Variants in CHST4 observed in about 807,000 individuals in gnomAD.
CHST4 encodes GST-3.
For synonymous variants in CHST4, 171 were observed against 195.5 expected (o/e 0.87, Z 1.05); for missense variants, 466 against 506.0 (o/e 0.92, Z 0.76).
In CHST4 at chr16:71,538,132, G is replaced by C; in HGVS notation, c.*294G>C. 1 of 429,204 alleles carries C rather than the reference G, an allele frequency of 2.3e-6. No individual in the cohort carries two copies. 26.6% of individuals were successfully genotyped at this position (429,204 alleles called of 1,614,324 possible). A position where few individuals can be genotyped will look rare whatever the true frequency, so the allele number is the denominator to read the frequency against. Reference sequence around the variant, plus strand: ...CAGACTTCAGAGACTTTGTGGCCTGGAGGCCTATTAAGCACGACACAGTAT... The same window carrying C: ...CAGACTTCAGAGACTTTGTGGCCTGCAGGCCTATTAAGCACGACACAGTAT... On this transcript the variant is annotated 3_prime_UTR_variant, in exon 2 of 2. Transcript: ENST00000539698.
chr16:71,529,113 T>G (rs1014426773), intron 1 of CHST4, among the ~76,000 whole-genome samples: 6 of 151,922 alleles, frequency 3.9e-5, no homozygotes, highest in South Asian at 2.1e-4. Context: ...TTTTGTTTTT[T>G]TTTTTTTGCT....
chr16:71,536,340 T>G (rs2043988252), intron 1 of CHST4, among the ~76,000 whole-genome samples: 2 of 152,312 alleles, frequency 1.3e-5, no homozygotes, highest in South Asian at 4.1e-4. Context: ...CAGGGCACCA[T>G]GATGGAGACA....
chr16:71,537,516 C>T lies in CHST4; in HGVS notation c.839C>T (p.Ala280Val), dbSNP rs755086524. The T allele has an allele frequency of 2.5e-6, 4 of 1,614,190 alleles. No individual in the cohort carries two copies. In the Admixed American group the frequency reaches 6.7e-5, roughly 27 times the overall value. ...CTGCTTGTGCGCTATGAGGACCTGG[C>T]TCGAGCCCCTGTGGCCCAGACTTCC... Reference protein sequence around the residue: ...RYLLVRYEDLARAPVAQTSRM... With the variant: ...RYLLVRYEDLVRAPVAQTSRM... The change falls in exon 2 of 2, where the codon GCT (alanine) becomes GTT (valine). Residue 280 changes from alanine (A) to valine (V), a missense_variant. Transcript: ENST00000539698. The surrounding 1 kb of genome is among the most constrained non-coding windows in gnomAD (Gnocchi z 4.2).
At chr16:71,533,615 T>C (rs2043964943) in intron 1 of CHST4, among the ~76,000 whole-genome samples, 1 of 152,118 alleles carries the variant, frequency 6.6e-6, no homozygotes, top group South Asian at 2.1e-4. Flanking sequence ...GTAAAATTCT[T>C]AGGTTTTCTT....
Position 71,537,787 on chromosome 16 carries a change from C to A in CHST4, c.1110C>A (p.Asn370Lys). 2 of 1,614,122 alleles carry A rather than the reference C, an allele frequency of 1.2e-6. No homozygotes were observed. Among genetic ancestry groups the A allele is most frequent in the Non-Finnish European group, 8.5e-7 (1 of 1,180,020 alleles). ...TCAGATCTGAACAAGAACAGAGAAA[C>A]CTGTTGCTGGATCTTCTGTCTACCT... The part of the protein sequence containing the change: ...RHVRSEQEQR[N>K]LLLDLLSTWT... The change falls in exon 2 of 2, where the codon AAC becomes AAA. Residue 370 changes from asparagine (N) to lysine (K), a missense_variant. Coordinates refer to ENST00000539698, the MANE Select transcript of CHST4 (RefSeq NM_001166395.2). The surrounding 1 kb of genome is among the most constrained non-coding windows in gnomAD (Gnocchi z 4.2).
At chr16:71,534,357 T>TC (rs2043971985) in intron 1 of CHST4, among the ~76,000 whole-genome samples, 1 of 149,880 alleles carries the variant, frequency 6.7e-6, no homozygotes, top group Non-Finnish European at 1.5e-5. Flanking sequence ...TCTTTTTTTT[T>TC]TTTTTTTTTT....
chr16:71,533,769 A>T (rs956791057), intron 1 of CHST4, among the ~76,000 whole-genome samples: 1 of 151,986 alleles, frequency 6.6e-6, no homozygotes, highest in Non-Finnish European at 1.5e-5. Context: ...CAGGCTGGGC[A>T]TGGGGGCTCA....
chr16:71,527,430 G>A (rs1311881126), intron 1 of CHST4, among the ~76,000 whole-genome samples: 3 of 152,170 alleles, frequency 2.0e-5, no homozygotes, highest in Non-Finnish European at 4.4e-5. Context: ...AGGGAGACAT[G>A]AGACTTCAAT....
intron 1 of CHST4, among the ~76,000 whole-genome samples, chr16:71,528,401 A>G (rs919778909): frequency 7.2e-5 from 11 of 151,842 alleles, no homozygotes; most frequent in African/African-American, 2.2e-4. Flanking sequence ...GTACAAATAT[A>G]TGTTCACTTG....
chr16:71,529,819 G>A (rs559478683), intron 1 of CHST4, among the ~76,000 whole-genome samples: 1 of 152,132 alleles, frequency 6.6e-6, no homozygotes, highest in South Asian at 2.1e-4. Flanking sequence ...TGTCAAAAGG[G>A]ATGGCTGCTA....
At position 71,534,066 on chromosome 16, in the gene CHST4, C is replaced by T. The variant is rs1180333077; in HGVS notation, c.-18-2594C>T. Among the ~76,000 whole-genome samples the T allele has an allele frequency of 3.3e-5, 5 of 151,920 alleles. No individual in the cohort carries two copies. The South Asian group carries it at 1.0e-3, about 32-fold the overall frequency. ...AAAAAAAAAAAAAAAAAGATTTCCCCTCCCCAGTGACATATGTTAAAAGCC... is the reference window on the plus strand; with the variant it reads ...AAAAAAAAAAAAAAAAAGATTTCCCTTCCCCAGTGACATATGTTAAAAGCC... On this transcript the variant is annotated intron_variant, in intron 1 of 1. Coordinates refer to ENST00000539698, the MANE Select transcript of CHST4 (RefSeq NM_001166395.2).
At chr16:71,533,199 C>T (rs2043960853) in intron 1 of CHST4, among the ~76,000 whole-genome samples, 1 of 151,910 alleles carries the variant, frequency 6.6e-6, no homozygotes, top group East Asian at 1.9e-4. Flanking sequence ...CTGAGGCGGG[C>T]AGACAACTTG....
In CHST4 at chr16:71,530,233, G is replaced by T. The variant is rs2043937916; in HGVS notation, c.-19+3738G>T. ...TCCCTTTCAGGGAGAAGGCAGGTTA[G>T]ATTCTTGAAGGAATAGTAGCTGTCC... On this transcript the variant is annotated intron_variant, in intron 1 of 1. Coordinates refer to ENST00000539698, the MANE Select transcript of CHST4 (RefSeq NM_001166395.2). 2.0e-5 allele frequency among the ~76,000 whole-genome samples: 3 copies of T among 152,122 alleles called. No homozygotes were observed. The South Asian group carries it at 6.2e-4, about 32-fold the overall frequency.
chr16:71,528,763 G>T (rs1555535066), intron 1 of CHST4, among the ~76,000 whole-genome samples: 2 of 152,042 alleles, frequency 1.3e-5, no homozygotes, highest in Non-Finnish European at 1.5e-5. Context: ...TATCTATCTG[G>T]TTTTTTTCCC....
At chr16:71,536,518 C>T in intron 1 of CHST4, 142 bp from the exon 2 acceptor site, 1 of 468,782 alleles carries the variant, frequency 2.1e-6, no homozygotes. Context: ...AGGACTGGTG[C>T]CATTGTTGGC....
At chr16:71,529,398 C>G (rs1362425906) in intron 1 of CHST4, among the ~76,000 whole-genome samples, 6 of 152,064 alleles carry the variant, frequency 3.9e-5, no homozygotes, top group Non-Finnish European at 4.4e-5. Context: ...CTCACTGTTC[C>G]ATGCAATCAC....
In CHST4 at chr16:71,538,154, G is replaced by C. The variant is rs1490835572; in HGVS notation, c.*316G>C. 2 of 334,996 alleles carry C rather than the reference G, an allele frequency of 6.0e-6. No homozygotes were observed. The highest frequency in any genetic ancestry group is 4.2e-5 in the African/African-American group (2 of 47,356). 20.8% of individuals were successfully genotyped at this position (334,996 alleles called of 1,614,324 possible). On this transcript the variant is annotated 3_prime_UTR_variant, in exon 2 of 2. Transcript: ENST00000539698. Reference sequence around the variant, plus strand: ...CTGGAGGCCTATTAAGCACGACACAGTATCAGTGGAATTGATCCATAAACC... The same window carrying C: ...CTGGAGGCCTATTAAGCACGACACACTATCAGTGGAATTGATCCATAAACC...
At chr16:71,535,861 GC>G (rs1322018986) in intron 1 of CHST4, among the ~76,000 whole-genome samples, 7 of 152,204 alleles carry the variant, frequency 4.6e-5, no homozygotes, top group African/African-American at 1.7e-4. Context: ...ACTCCCCATG[GC>G]CTTGGTCCCA....
At position 71,537,749 on chromosome 16, in the gene CHST4, G is replaced by A. The variant is rs150971711; in HGVS notation, c.1072G>A (p.Gly358Ser). Reference sequence around the variant, plus strand: ...CTGTGGCGATGCCATGAATTTGCTGGGCTACCGCCACGTCAGATCTGAACA... The same window carrying A: ...CTGTGGCGATGCCATGAATTTGCTGAGCTACCGCCACGTCAGATCTGAACA... ...KACGDAMNLL[G>S]YRHVRSEQEQ... The change falls in exon 2 of 2, where the codon GGC becomes AGC. Residue 358 changes from glycine (G) to serine (S), a missense_variant. By Grantham distance (56) the Gly-to-Ser change is moderately conservative. Coordinates refer to ENST00000539698, the MANE Select transcript of CHST4 (RefSeq NM_001166395.2). This position sits in a 1 kb window ranked among gnomAD's most constrained non-coding sequence, Gnocchi z 4.2. 1.9e-6 allele frequency: 3 copies of A among 1,614,074 alleles called. No individual in the cohort carries two copies. Among genetic ancestry groups the A allele is most frequent in the Admixed American group, 3.3e-5 (2 of 60,006 alleles).
Sources: allele counts gnomAD v4.1 joint callset (sites outside exome capture counted in the v4.1 genomes callset), GRCh38; gene constraint gnomAD v4.1.1; non-coding constraint Gnocchi (gnomAD v3.1); transcripts MANE v1.5; gene names NCBI Gene and HGNC (gene_info 2026-07-23, HGNC 2026-07-21).